The following CAMTA1 variants were observed in gnomAD, a reference collection of about 807,000 sequenced individuals.
CAMTA1 encodes the protein calmodulin-binding transcription activator 1.
Under a neutral mutation model 170.9 loss-of-function variants are expected in CAMTA1, and 27 were observed. The observed-to-expected ratio is 0.16, with a 90% CI of 0.12 to 0.22. The LOEUF is 0.22. Among genes scored for constraint, CAMTA1 ranks in the 10% least tolerant of loss-of-function variants. The pLI is 1.00. For missense variants in CAMTA1, 1,619 were observed against 2,217.2 expected (o/e 0.73, Z 5.42); for synonymous variants, 833 against 891.5 (o/e 0.93, Z 1.17).
At chr1:7,526,315 G>A (rs1370061872) in intron 6 of CAMTA1, among the ~76,000 whole-genome samples, 2 of 152,076 alleles carry the variant, frequency 1.3e-5, no homozygotes, top group South Asian at 2.1e-4. Flanking sequence ...CTCCCCCACC[G>A]CCCACCACTG....
At chr1:6,884,840 A>G (rs1033635726) in intron 3 of CAMTA1, among the ~76,000 whole-genome samples, 1 of 152,232 alleles carries the variant, frequency 6.6e-6, no homozygotes, top group Non-Finnish European at 1.5e-5. Flanking sequence ...TCCTAGGAGC[A>G]TGTAGAGACT....
intron 6 of CAMTA1, among the ~76,000 whole-genome samples, chr1:7,539,922 T>C (rs2094589802): frequency 6.6e-6 from 1 of 152,244 alleles, no homozygotes; most frequent in Non-Finnish European, 1.5e-5. Context: ...CGCCCTCTGC[T>C]GGGCTGTCCC....
rs938938005 is a variant in CAMTA1 at position 7,715,836 on chromosome 1, C to T, written c.2915-16612C>T. ...TGTATTCTGATGTGGCATAAGGAGC[C>T]GAGACATGAAAGAATCCTCACAAGC... On this transcript the variant is annotated intron_variant, in intron 11 of 22. Coordinates refer to ENST00000303635, the MANE Select transcript of CAMTA1 (RefSeq NM_015215.4). 3.9e-5 allele frequency among the ~76,000 whole-genome samples: 6 copies of T among 152,150 alleles called. No individual in the cohort carries two copies. The South Asian group carries it at 1.0e-3, about 26-fold the overall frequency.
intron 4 of CAMTA1, among the ~76,000 whole-genome samples, chr1:7,098,989 C>T (rs979932339): frequency 2.0e-5 from 3 of 152,174 alleles, no homozygotes; most frequent in Non-Finnish European, 4.4e-5. Flanking sequence ...GTTTGTGTCT[C>T]TGATTCCTCC....
chr1:6,922,277 G>C (rs912515891), intron 3 of CAMTA1, among the ~76,000 whole-genome samples: 1 of 152,198 alleles, frequency 6.6e-6, no homozygotes, highest in Admixed American at 6.5e-5. Flanking sequence ...AGGGTCCACA[G>C]CTAGTGAGAT....
chr1:7,483,354 C>A (rs1014768402), intron 6 of CAMTA1, among the ~76,000 whole-genome samples: 2 of 152,192 alleles, frequency 1.3e-5, no homozygotes, highest in East Asian at 1.9e-4. Flanking sequence ...TGCAGAGCAG[C>A]CCGTGGCAGC....
intron 4 of CAMTA1, among the ~76,000 whole-genome samples, chr1:7,109,297 G>C (rs1643877579): frequency 6.6e-6 from 1 of 152,218 alleles, no homozygotes; most frequent in Non-Finnish European, 1.5e-5. Context: ...AGATGCTGCT[G>C]CCGCACTATG....
At chr1:7,315,055 T>C (rs1263128992) in intron 5 of CAMTA1, among the ~76,000 whole-genome samples, 1 of 152,124 alleles carries the variant, frequency 6.6e-6, no homozygotes, top group Non-Finnish European at 1.5e-5. Context: ...GACTCAAGGG[T>C]CAGTGAAGGG....
intron 3 of CAMTA1, among the ~76,000 whole-genome samples, chr1:6,903,340 T>G: frequency 6.6e-6 from 1 of 152,256 alleles, no homozygotes; most frequent in East Asian, 1.9e-4. Flanking sequence ...GTTTATACAC[T>G]TCTTAAAACT....
At chr1:7,743,661 A>G (rs948372171) in intron 16 of CAMTA1, among the ~76,000 whole-genome samples, 1 of 152,062 alleles carries the variant, frequency 6.6e-6, no homozygotes, top group Non-Finnish European at 1.5e-5. Context: ...CACTTTGTAT[A>G]GTTCCATCGA....
chr1:7,459,809 G>A (rs2093040860), intron 5 of CAMTA1, among the ~76,000 whole-genome samples: 1 of 152,250 alleles, frequency 6.6e-6, no homozygotes, highest in Admixed American at 6.5e-5. Context: ...CTGGCTACGT[G>A]CCACATGAAG....
At chr1:7,618,773 A>G (rs534925465) in intron 6 of CAMTA1, among the ~76,000 whole-genome samples, 151 of 152,298 alleles carry the variant, frequency 9.9e-4, no homozygotes, top group African/African-American at 3.6e-3. Context: ...CATTATGAGA[A>G]TGAGATAATT....
intron 5 of CAMTA1, among the ~76,000 whole-genome samples, chr1:7,271,039 G>C (rs562857475): frequency 2.0e-5 from 3 of 152,260 alleles, no homozygotes; most frequent in African/African-American, 7.2e-5. Flanking sequence ...TTATGGACTG[G>C]ATGTTTGCAT....
At chr1:7,200,847 A>T (rs1016029288) in intron 4 of CAMTA1, among the ~76,000 whole-genome samples, 3 of 152,146 alleles carry the variant, frequency 2.0e-5, no homozygotes, top group Non-Finnish European at 1.5e-5. Context: ...GGACTGTGTG[A>T]ATATCTTGTT....
chr1:7,737,057 G>C, intron 14 of CAMTA1, 48 bp downstream of exon 14: 1 of 1,492,560 alleles, frequency 6.7e-7, no homozygotes, highest in Non-Finnish European at 9.3e-7. Context: ...TTCCAGTCTG[G>C]CATAGGATTT....
At chr1:6,916,563 G>C (rs1680855261) in intron 3 of CAMTA1, among the ~76,000 whole-genome samples, 1 of 152,168 alleles carries the variant, frequency 6.6e-6, no homozygotes, top group Non-Finnish European at 1.5e-5. Flanking sequence ...TAAGGCCACT[G>C]ATTTTCTAGG....
intron 4 of CAMTA1, among the ~76,000 whole-genome samples, chr1:7,127,303 A>G (rs954700821): frequency 1.6e-5 from 2 of 127,458 alleles, no homozygotes; most frequent in African/African-American, 6.2e-5. Context: ...AGGATCTACG[A>G]TGGGAAGTCT....
intron 1 of CAMTA1, among the ~76,000 whole-genome samples, chr1:6,791,322 A>G (rs1462738749): frequency 6.6e-6 from 1 of 152,148 alleles, no homozygotes; most frequent in Non-Finnish European, 1.5e-5. Flanking sequence ...GTCCTGTAGC[A>G]CAAGGCATTG....
In CAMTA1 at chr1:7,393,883, T is replaced by C. The variant is rs576072242; in HGVS notation, c.439-73947T>C. Among the ~76,000 whole-genome samples the C allele has an allele frequency of 9.1e-4, 138 of 152,306 alleles. 1 individual carries two copies. Among genetic ancestry groups the C allele is most frequent in the African/African-American group, 3.0e-3 (125 of 41,568 alleles). On this transcript the variant is annotated intron_variant, in intron 5 of 22. Transcript: ENST00000303635. ...CTCTCCAGGTTCTGGTAACCACTAT[T>C]CTACTCTCTACGTCTATGAGATCAA... is the stretch of plus-strand genomic sequence containing the variant.
Sources: gnomAD v4.1 joint callset for allele counts (sites outside exome capture counted in the v4.1 genomes callset) on GRCh38, gnomAD v4.1.1 for gene constraint, MANE v1.5 for transcripts, NCBI Gene and HGNC (gene_info 2026-07-23, HGNC 2026-07-21) for gene names.